STAG1: variants seen among roughly 807,000 people sequenced by gnomAD.
STAG1 encodes STAG1 cohesin complex component, also known as cohesin subunit SA-1.
Under a neutral mutation model 170.9 loss-of-function variants are expected in STAG1, and 26 were observed. The ratio of observed to expected loss-of-function variants is 0.15; its 90% CI spans 0.11 to 0.21. The LOEUF (loss-of-function observed/expected upper bound fraction) is 0.21, where lower values mean the gene tolerates loss of function less well. Among genes scored for constraint, STAG1 ranks in the 10% least tolerant of loss-of-function variants. STAG1 has a pLI of 1.00. For missense variants in STAG1, 964 were observed against 1,509.5 expected (o/e 0.64, Z 5.99); for synonymous variants, 514 against 497.7 (o/e 1.03, Z -0.44).
intron 12 of STAG1, among the ~76,000 whole-genome samples, chr3:136,467,926 A>C (rs2089514798): frequency 6.6e-6 from 1 of 152,228 alleles, no homozygotes; most frequent in Non-Finnish European, 1.5e-5. Flanking sequence ...ACATAACGAA[A>C]TGAAGGCAGT....
chr3:136,436,657 G>C (rs1301931238), intron 15 of STAG1, among the ~76,000 whole-genome samples: 1 of 151,900 alleles, frequency 6.6e-6, no homozygotes, highest in Non-Finnish European at 1.5e-5. Context: ...TTATATTGAA[G>C]ACCAGTAGAT....
chr3:136,603,540 C>A (rs1032830973), intron 4 of STAG1, among the ~76,000 whole-genome samples: 1 of 152,018 alleles, frequency 6.6e-6, no homozygotes, highest in Non-Finnish European at 1.5e-5. Flanking sequence ...GAGAATGGTG[C>A]TCCTGCAGAA....
chr3:136,378,205 C>T (rs1206407285), intron 22 of STAG1, among the ~76,000 whole-genome samples: 1 of 151,518 alleles, frequency 6.6e-6, no homozygotes, highest in Non-Finnish European at 1.5e-5. Context: ...CAGTGCCATG[C>T]CCTCAAATAG....
chr3:136,566,097 G>C (rs1300807069), intron 5 of STAG1, among the ~76,000 whole-genome samples: 2 of 152,152 alleles, frequency 1.3e-5, no homozygotes, highest in African/African-American at 4.8e-5. Context: ...TTTGAGAAAA[G>C]AGAGAGGTGG....
intron 4 of STAG1, among the ~76,000 whole-genome samples, chr3:136,575,299 A>T (rs116796251): frequency 1.3e-4 from 20 of 152,302 alleles, no homozygotes; most frequent in Non-Finnish European, 2.6e-4. Context: ...ACCACGGCTC[A>T]TTGTAGCCTA....
rs1037456262 is a variant in STAG1 at position 136,398,860 on chromosome 3, G to C, written c.2197-31C>G. ...TCAAATGAAAAAAAATTTTTTTAAT[G>C]AAAAATTCAAAAAAATGAGATCATC... On this transcript the variant is annotated intron_variant, in intron 21 of 33. Transcript: ENST00000383202. 1.1e-5 allele frequency: 15 copies of C among 1,401,124 alleles called. No individual in the cohort carries two copies. In the African/African-American group the frequency reaches 1.9e-4, roughly 18 times the overall value. The allele number at this position is 1,401,124 out of a possible 1,614,324, so 86.8% of individuals were successfully genotyped here. A position where few individuals can be genotyped will look rare whatever the true frequency, so the allele number is the denominator to read the frequency against.
chr3:136,637,236 C>A (rs1286448678), intron 1 of STAG1, among the ~76,000 whole-genome samples: 1 of 152,172 alleles, frequency 6.6e-6, no homozygotes, highest in Non-Finnish European at 1.5e-5. Context: ...GATTTTGTAG[C>A]TCTTTCAGTG....
chr3:136,715,312 C>A (rs917155077), intron 1 of STAG1, among the ~76,000 whole-genome samples: 3 of 151,144 alleles, frequency 2.0e-5, no homozygotes, highest in Non-Finnish European at 4.4e-5. Flanking sequence ...TGCACCAGGG[C>A]TAGTTTGTGT....
chr3:136,503,453 C>T (rs191255362), intron 7 of STAG1, among the ~76,000 whole-genome samples: 73 of 152,260 alleles, frequency 4.8e-4, no homozygotes, highest in Non-Finnish European at 3.2e-4. Flanking sequence ...GTTTCACATC[C>T]TCTGACAAAC....
At chr3:136,374,561 G>T (rs778202591) in intron 23 of STAG1, among the ~76,000 whole-genome samples, 3 of 151,496 alleles carry the variant, frequency 2.0e-5, no homozygotes, top group Non-Finnish European at 4.4e-5. Context: ...AGGTTGGGGT[G>T]ACCCGAGAAT....
intron 7 of STAG1, 97 bp from the exon 8 acceptor site, chr3:136,502,876 G>T (rs989241266): frequency 3.1e-6 from 3 of 971,214 alleles, no homozygotes; most frequent in Non-Finnish European, 4.1e-6. Context: ...AATGAAACTA[G>T]TGAATTTCTG....
intron 4 of STAG1, among the ~76,000 whole-genome samples, chr3:136,589,951 C>T (rs1398851983): frequency 4.0e-5 from 6 of 151,350 alleles, no homozygotes; most frequent in Non-Finnish European, 8.8e-5. Context: ...AATAAAAATA[C>T]ATAATAAATA....
chr3:136,640,256 GAACA>G (rs1469156211), intron 1 of STAG1, among the ~76,000 whole-genome samples: 1 of 151,980 alleles, frequency 6.6e-6, no homozygotes, highest in East Asian at 1.9e-4. Flanking sequence ...AAAAAATTCC[GAACA>G]AATATTGTTT....
At chr3:136,571,536 A>G (rs901267927) in intron 4 of STAG1, among the ~76,000 whole-genome samples, 2 of 151,926 alleles carry the variant, frequency 1.3e-5, no homozygotes, top group Admixed American at 6.5e-5. Flanking sequence ...ACCACTGCAC[A>G]CCAGTCTGAG....
intron 25 of STAG1, among the ~76,000 whole-genome samples, chr3:136,365,294 G>C: frequency 6.6e-6 from 1 of 152,178 alleles, no homozygotes; most frequent in Middle Eastern, 3.2e-3. Context: ...CTGACATCCA[G>C]GTTTAGTGAA....
chr3:136,559,176 C>T (rs113793066), intron 5 of STAG1, among the ~76,000 whole-genome samples: 33 of 148,384 alleles, frequency 2.2e-4, no homozygotes, highest in Non-Finnish European at 4.5e-4. Context: ...TACGTACACA[C>T]TGTACAGGTG....
At chr3:136,628,454 T>G (rs541360011) in intron 2 of STAG1, among the ~76,000 whole-genome samples, 95 of 152,040 alleles carry the variant, frequency 6.2e-4, no homozygotes, top group African/African-American at 2.2e-3. Context: ...CCATCCCCAG[T>G]GCTGGAGAAA....
intron 2 of STAG1, among the ~76,000 whole-genome samples, chr3:136,629,506 T>C (rs1940241918): frequency 6.6e-6 from 1 of 152,052 alleles, no homozygotes; most frequent in African/African-American, 2.4e-5. Flanking sequence ...TATATTTATA[T>C]ATATGATATC....
intron 23 of STAG1, among the ~76,000 whole-genome samples, chr3:136,375,845 CTG>C (rs1474992509): frequency 6.6e-6 from 1 of 151,662 alleles, no homozygotes; most frequent in Non-Finnish European, 1.5e-5. Context: ...TGGTGGGCAC[CTG>C]TAATCCCAGA....
Sources: allele counts gnomAD v4.1 joint callset (sites outside exome capture counted in the v4.1 genomes callset), GRCh38; gene constraint gnomAD v4.1.1; transcripts MANE v1.5; gene names NCBI Gene and HGNC (gene_info 2026-07-23, HGNC 2026-07-21).